The following FARP1 variants were observed in gnomAD, a reference collection of about 807,000 sequenced individuals.
The protein encoded by FARP1 is FERM, ARH/RhoGEF and pleckstrin domain protein 1.
FARP1 carries 52 observed loss-of-function variants against 128.8 expected under a neutral mutation model. The observed-to-expected ratio is 0.40, with a 90% CI of 0.32 to 0.51. The LOEUF (loss-of-function observed/expected upper bound fraction) is 0.51. FARP1 is among the 20% of genes least tolerant of loss of function. FARP1 has a pLI of 0.45. For missense variants in FARP1, 1,333 were observed against 1,367.9 expected (o/e 0.97, Z 0.40); for synonymous variants, 580 against 551.8 (o/e 1.05, Z -0.72).
intron 4 of FARP1, among the ~76,000 whole-genome samples, chr13:98,367,043 T>C (rs1889116025): frequency 6.6e-6 from 1 of 152,202 alleles, no homozygotes; most frequent in Admixed American, 6.5e-5. Context: ...AGAACATAAA[T>C]GTATTGCTAT....
At chr13:98,417,467 A>AGG (rs1891427599) in intron 16 of FARP1, among the ~76,000 whole-genome samples, 3 of 133,694 alleles carry the variant, frequency 2.2e-5, no homozygotes, top group African/African-American at 7.0e-5. Flanking sequence ...AAAAAAAAAA[A>AGG]AAAAAAAAAA....
Position 98,446,156 on chromosome 13 carries a change from T to C in FARP1, c.2855T>C (p.Leu952Pro). The C allele has an allele frequency of 6.2e-7, 1 of 1,614,104 alleles. No homozygotes were observed. The highest frequency in any genetic ancestry group is 8.5e-7 in the Non-Finnish European group (1 of 1,179,946). ...AAAAACAGCAACGGGTGGCAGAAGCTGTGGGTGGTGTTCACAAACTTCTGC... is the reference window on the plus strand; with the variant it reads ...AAAAACAGCAACGGGTGGCAGAAGCCGTGGGTGGTGTTCACAAACTTCTGC... The part of the protein sequence containing the change: ...KFKNSNGWQK[L>P]WVVFTNFCLF... Residue 952 changes from leucine (L) to proline (P), a missense_variant, in exon 25 of 27, where the codon CTG (leucine) becomes CCG (proline). This residue lies in a region of FARP1 where 1,009 missense variants were observed against 969.8 expected (regional missense o/e 1.04). Coordinates refer to ENST00000319562, the MANE Select transcript of FARP1 (RefSeq NM_005766.4).
chr13:98,435,517 T>C, intron 18 of FARP1, 59 bp from the exon 19 acceptor site: 1 of 1,551,472 alleles, frequency 6.4e-7, no homozygotes, highest in Non-Finnish European at 8.7e-7. Context: ...TGACAGCTGC[T>C]AGGGGAAGAC....
At chr13:98,432,932 T>TGGAGCCG (rs1892100314) in intron 18 of FARP1, 1 of 124,408 alleles carries the variant, frequency 8.0e-6, no homozygotes, top group African/African-American at 3.2e-5. Flanking sequence ...ACGGTGCAGT[T>TGGAGCCG]GGAGCCGGGG....
intron 13 of FARP1, chr13:98,402,736 A>G (rs1252015401): frequency 6.6e-6 from 1 of 152,162 alleles, no homozygotes; most frequent in Admixed American, 6.5e-5. Flanking sequence ...TCTGCCTCCT[A>G]AGGTTGCTGT....
intron 12 of FARP1, 38 bp downstream of exon 12, chr13:98,393,756 C>T: frequency 6.8e-7 from 1 of 1,475,776 alleles, no homozygotes; most frequent in Non-Finnish European, 9.5e-7. Context: ...CTCTGCTTTT[C>T]CCCACACTTC....
Position 98,322,737 on chromosome 13 carries a change from G to A in FARP1, c.172-21025G>A, listed in dbSNP as rs149927486. Among the ~76,000 whole-genome samples the A allele has an allele frequency of 4.8e-4, 73 of 152,350 alleles. No individual in the cohort carries two copies. The East Asian group carries it at 0.013, about 27-fold the overall frequency. ...GCTCAGCCGAGGACTTTCTGGTACT[G>A]TGCATTTCAGATTTTAAATTTCACG... On this transcript the variant is annotated intron_variant, in intron 2 of 26. Coordinates refer to ENST00000319562, the MANE Select transcript of FARP1 (RefSeq NM_005766.4).
At chr13:98,441,576 G>A (rs2139126893) in intron 24 of FARP1, among the ~76,000 whole-genome samples, 1 of 152,342 alleles carries the variant, frequency 6.6e-6, no homozygotes, top group South Asian at 2.1e-4. Flanking sequence ...GGGGTATGGT[G>A]CGGGACCCTT....
chr13:98,235,982 C>T (rs1882391438), intron 2 of FARP1, among the ~76,000 whole-genome samples: 1 of 152,080 alleles, frequency 6.6e-6, no homozygotes, highest in East Asian at 1.9e-4. Context: ...TCCCACTACA[C>T]ACAACTAATT....
chr13:98,417,523 T>A (rs1455232424), intron 16 of FARP1, among the ~76,000 whole-genome samples: 1 of 145,354 alleles, frequency 6.9e-6, no homozygotes, highest in African/African-American at 2.6e-5. Context: ...ATAGCCGGTC[T>A]TGGAGAATGG....
At chr13:98,155,497 C>G (rs548238868) in intron 1 of FARP1, among the ~76,000 whole-genome samples, 2 of 152,078 alleles carry the variant, frequency 1.3e-5, no homozygotes, top group South Asian at 4.2e-4. Flanking sequence ...CAAGGCAAAA[C>G]TGCTGTGGTT....
chr13:98,219,625 A>G (rs1302974637), intron 2 of FARP1, among the ~76,000 whole-genome samples: 1 of 151,854 alleles, frequency 6.6e-6, no homozygotes, highest in Non-Finnish European at 1.5e-5. Context: ...GAGCCACTGC[A>G]CCCAGCCACA....
At chr13:98,333,532 A>G (rs1164645185) in intron 2 of FARP1, 1 of 152,126 alleles carries the variant, frequency 6.6e-6, no homozygotes. Context: ...TTGTGTACTA[A>G]TGACGCCGTG....
At chr13:98,366,436 G>A (rs779410433) in intron 4 of FARP1, among the ~76,000 whole-genome samples, 2 of 152,226 alleles carry the variant, frequency 1.3e-5, no homozygotes, top group African/African-American at 4.8e-5. Flanking sequence ...AACGACTAGT[G>A]TTGGGGGCGA....
At chr13:98,281,372 G>GA (rs35996699) in intron 2 of FARP1, among the ~76,000 whole-genome samples, 14 of 148,942 alleles carry the variant, frequency 9.4e-5, no homozygotes, top group African/African-American at 9.9e-5. Flanking sequence ...GTCTTGGAGG[G>GA]AAAAAAAAAA....
At chr13:98,442,678 A>T (rs1453108679) in intron 24 of FARP1, among the ~76,000 whole-genome samples, 1 of 152,168 alleles carries the variant, frequency 6.6e-6, no homozygotes, top group Non-Finnish European at 1.5e-5. Context: ...GGGGATGGGG[A>T]TTATGATAGC....
chr13:98,238,613 A>G (rs1459800938), intron 2 of FARP1, among the ~76,000 whole-genome samples: 1 of 152,096 alleles, frequency 6.6e-6, no homozygotes, highest in Non-Finnish European at 1.5e-5. Flanking sequence ...GTGTGCAGGG[A>G]AACTCCCCTT....
rs574747905 is a variant in FARP1 at position 98,175,118 on chromosome 13, G to T, written c.-24+31626G>T. Among the ~76,000 whole-genome samples, 67 of 152,296 alleles carry T rather than the reference G, an allele frequency of 4.4e-4. No homozygotes were observed. The South Asian group carries it at 0.012, about 26-fold the overall frequency. On this transcript the variant is annotated intron_variant, in intron 1 of 26. Transcript: ENST00000319562. ...TAACTGACTTTTTATTGAGCTACCT[G>T]TTGGCCATTAAAAAACAGGAAGTAT...
chr13:98,226,385 G>A (rs1209490445), intron 2 of FARP1, among the ~76,000 whole-genome samples: 2 of 152,146 alleles, frequency 1.3e-5, no homozygotes, highest in East Asian at 1.9e-4. Context: ...ATTAGGGCCC[G>A]CCCTACTGAC....
Sources: allele counts gnomAD v4.1 joint callset (sites outside exome capture counted in the v4.1 genomes callset), GRCh38; gene constraint gnomAD v4.1.1; regional missense constraint gnomAD v4.1.1; transcripts MANE v1.5; gene names NCBI Gene and HGNC (gene_info 2026-07-23, HGNC 2026-07-21).